DNAH10: variants seen among roughly 807,000 people sequenced by gnomAD.
DNAH10 encodes axonemal beta dynein heavy chain 10.
In DNAH10, 348 loss-of-function variants were observed where a neutral mutation model predicts 506.6. The observed-to-expected ratio is 0.69, with a 90% CI of 0.63 to 0.75. DNAH10 has a LOEUF of 0.75. DNAH10 is among the 30% of genes least tolerant of loss of function. The probability of loss-of-function intolerance (pLI) is 0.00; values close to 1 mark genes in which losing one functional copy is unlikely to be tolerated. For missense variants in DNAH10, 5,179 were observed against 5,787.1 expected, an observed-to-expected ratio of 0.89 and a Z score of 3.41; for synonymous variants, 2,059 against 2,198.6, an observed-to-expected ratio of 0.94 and a Z score of 1.78.
chr12:123,888,034 G>A (rs954525125), intron 52 of DNAH10, among the ~76,000 whole-genome samples: 5 of 152,288 alleles, frequency 3.3e-5, no homozygotes, highest in Admixed American at 2.6e-4. Flanking sequence ...GTGAGCCACC[G>A]TGCCTGGCAC....
intron 12 of DNAH10, 71 bp from the exon 13 acceptor site, chr12:123,796,585 T>C: frequency 7.0e-7 from 1 of 1,427,874 alleles, no homozygotes; most frequent in Non-Finnish European, 9.5e-7. Context: ...TCCTTAAAGA[T>C]TCAAATCTCA....
intron 21 of DNAH10, among the ~76,000 whole-genome samples, chr12:123,817,365 T>A: frequency 6.6e-6 from 1 of 152,072 alleles, no homozygotes; most frequent in Non-Finnish European, 1.5e-5. Flanking sequence ...ACCCTGTACA[T>A]CTTACATTCC....
rs768297254 is a variant in DNAH10, at chr12:123,799,216, A to G, written c.2164-30A>G. ...GATGAAAAATGTTATTTTCAAGGAC[A>G]AAATGACGGTTGCTTGAATTCTTTG... On this transcript the variant is annotated intron_variant, in intron 13 of 78. Transcript: ENST00000673944. The G allele has an allele frequency of 5.7e-6, 9 of 1,588,542 alleles. No homozygotes were observed. The South Asian group carries it at 1.0e-4, about 18-fold the overall frequency.
intron 65 of DNAH10, among the ~76,000 whole-genome samples, chr12:123,921,690 A>ATTT (rs1566107321): frequency 7.1e-4 from 70 of 98,262 alleles, no homozygotes; most frequent in Middle Eastern, 7.7e-3. Context: ...TGTAGCTTGC[A>ATTT]GTTTTTTTTT....
intron 52 of DNAH10, 120 bp downstream of exon 52, chr12:123,887,433 T>C: frequency 8.2e-7 from 1 of 1,213,622 alleles, no homozygotes; most frequent in South Asian, 1.7e-5. Context: ...GTGTACCTGT[T>C]CCTCCCTCAC....
chr12:123,785,571 C>T lies in DNAH10; in HGVS notation c.1231-175C>T, dbSNP rs1023995394. The stretch of plus-strand genomic sequence containing the variant: ...GGATCACTTGAGTCCGCAGGGGAGT[C>T]GAGGCTGCAGTAAGCCATGTTTGTG... On this transcript the variant is annotated intron_variant, in intron 8 of 78. Coordinates refer to ENST00000673944, the MANE Select transcript of DNAH10 (RefSeq NM_001372106.1). This position sits in a 1 kb window ranked among gnomAD's most constrained non-coding sequence, Gnocchi z 4.1. Among the ~76,000 whole-genome samples, 4 of 147,868 alleles carry T rather than the reference C, an allele frequency of 2.7e-5. No homozygotes were observed. The highest frequency in any genetic ancestry group is 7.6e-5 in the African/African-American group (3 of 39,628).
intron 25 of DNAH10, among the ~76,000 whole-genome samples, chr12:123,829,967 C>T (rs1960368085): frequency 6.6e-6 from 1 of 152,190 alleles, no homozygotes; most frequent in African/African-American, 2.4e-5. Flanking sequence ...TCTGAATGGG[C>T]CCCTTCATAC....
Position 123,785,674 on chromosome 12 carries a change from C to G in DNAH10, c.1231-72C>G. On this transcript the variant is annotated intron_variant, in intron 8 of 78. Transcript: ENST00000673944. This position sits in a 1 kb window ranked among gnomAD's most constrained non-coding sequence, Gnocchi z 4.1. ...AAAAAAGAGTGAAACTTCTTGCATG[C>G]TTACTGTTTTATGAAACTATTTGGA... The G allele has an allele frequency of 1.6e-5, 18 of 1,112,866 alleles. No individual in the cohort carries two copies. The highest frequency in any genetic ancestry group is 2.2e-5 in the Non-Finnish European group (18 of 812,112). 68.9% of individuals were successfully genotyped at this position (1,112,866 alleles called of 1,614,324 possible). A position where few individuals can be genotyped will look rare whatever the true frequency, so the allele number is the denominator to read the frequency against.
intron 37 of DNAH10, among the ~76,000 whole-genome samples, chr12:123,858,664 A>T (rs1951495599): frequency 6.6e-6 from 1 of 152,176 alleles, no homozygotes; most frequent in Non-Finnish European, 1.5e-5. Context: ...AATAGCCAAA[A>T]AGTGGGAACA....
intron 56 of DNAH10, among the ~76,000 whole-genome samples, chr12:123,901,284 C>A (rs1251790225): frequency 1.3e-5 from 2 of 152,220 alleles, no homozygotes; most frequent in Non-Finnish European, 2.9e-5. Flanking sequence ...GGCACCACCC[C>A]CCACCCCCGC....
intron 37 of DNAH10, among the ~76,000 whole-genome samples, chr12:123,857,906 C>T (rs1238358459): frequency 6.6e-6 from 1 of 152,154 alleles, no homozygotes; most frequent in Non-Finnish European, 1.5e-5. Flanking sequence ...GCTCGACTTC[C>T]TGTCTCTACA....
chr12:123,834,676 C>T (rs938722651), intron 27 of DNAH10, among the ~76,000 whole-genome samples: 2 of 152,226 alleles, frequency 1.3e-5, no homozygotes, highest in African/African-American at 4.8e-5. Context: ...CAGTCATTCC[C>T]TACCATCTCC....
Position 123,781,158 on chromosome 12 carries a change from T to C in DNAH10, c.700T>C (p.Ser234Pro), listed in dbSNP as rs774030871. 1 of 1,614,046 alleles carries C rather than the reference T, an allele frequency of 6.2e-7. No homozygotes were observed. The highest frequency in any genetic ancestry group is 8.5e-7 in the Non-Finnish European group (1 of 1,179,996). ...AGTCACATCTGGAGAAGTCTCTAAT[T>C]CCTCTGAGCATGAATCAGACCTGCC... is the stretch of plus-strand genomic sequence containing the variant. ...VGVTSGEVSN[S>P]SEHESDLPPM... is the part of the protein sequence containing the mutation. The change falls in exon 6 of 79, where the codon TCC becomes CCC. Residue 234 changes from serine to proline, a missense_variant. Physicochemically the swap from Ser to Pro is moderately conservative, Grantham distance 74. Transcript: ENST00000673944.
At position 123,846,324 on chromosome 12, in the gene DNAH10, T is replaced by C. The variant is rs1001959103; in HGVS notation, c.5814+170T>C. ...TGACCAGATTGTCACCATTTGGGATTGGCATGTAAGTGTGGCCGTGCTTAG... is the reference window on the plus strand; with the variant it reads ...TGACCAGATTGTCACCATTTGGGATCGGCATGTAAGTGTGGCCGTGCTTAG... On this transcript the variant is annotated intron_variant, in intron 32 of 78. Transcript: ENST00000673944. This position sits in a 1 kb window ranked among gnomAD's most constrained non-coding sequence, Gnocchi z 4.5. 1.3e-5 allele frequency among the ~76,000 whole-genome samples: 2 copies of C among 152,328 alleles called. No homozygotes were observed. Among genetic ancestry groups the C allele is most frequent in the South Asian group, 2.1e-4 (1 of 4,824 alleles).
Position 123,866,064 on chromosome 12 carries a change from AC to A in DNAH10, c.7160del (p.Pro2387GlnfsTer9), listed in dbSNP as rs751640757. 88 of 1,606,176 alleles carry A rather than the reference AC, an allele frequency of 5.5e-5. No homozygotes were observed. The highest frequency in any genetic ancestry group is 7.4e-5 in the Non-Finnish European group (87 of 1,177,362). ...PYWKKWVNQI[P>X]NKVEQYNLNS... ...ACTGGAAAAAATGGGTTAATCAAAT[AC>A]CAAACAAGGTGAAATTTTTTTCTAA... On this transcript the variant is annotated frameshift_variant, in exon 41 of 79. Transcript: ENST00000673944. LOFTEE classifies it high-confidence loss of function.
chr12:123,913,068 C>T lies in DNAH10; in HGVS notation c.10135-30C>T. Reference sequence around the variant, plus strand: ...TCGCGGCCCCACCACGGTCCTTTTCCCCATCTTTTTGCAAATTGTCTTCAC... The same window carrying T: ...TCGCGGCCCCACCACGGTCCTTTTCTCCATCTTTTTGCAAATTGTCTTCAC... On this transcript the variant is annotated intron_variant, in intron 59 of 78. Transcript: ENST00000673944. This position sits in a 1 kb window ranked among gnomAD's most constrained non-coding sequence, Gnocchi z 5.1. 1 of 1,582,052 alleles carries T rather than the reference C, an allele frequency of 6.3e-7. No homozygotes were observed. The highest frequency in any genetic ancestry group is 1.2e-5 in the South Asian group (1 of 86,524).
intron 24 of DNAH10, among the ~76,000 whole-genome samples, chr12:123,821,048 G>A (rs771191170): frequency 1.5e-4 from 23 of 152,104 alleles, no homozygotes; most frequent in South Asian, 4.1e-4. Context: ...TCAGGAGTTC[G>A]AGGTCAGTCT....
chr12:123,899,172 G>A (rs1266113714), intron 56 of DNAH10, among the ~76,000 whole-genome samples: 3 of 152,098 alleles, frequency 2.0e-5, no homozygotes, highest in Non-Finnish European at 4.4e-5. Context: ...CACCATCGAC[G>A]CGGGACTTTC....
chr12:123,910,473 T>C (rs1954013988), intron 58 of DNAH10, 63 bp from the exon 59 acceptor site: 1 of 1,574,976 alleles, frequency 6.3e-7, no homozygotes, highest in African/African-American at 1.4e-5. Flanking sequence ...GCTTATTTTG[T>C]CTATTTTATG....
Sources: gnomAD v4.1 joint callset for allele counts (sites outside exome capture counted in the v4.1 genomes callset) on GRCh38, gnomAD v4.1.1 for gene constraint, Gnocchi (gnomAD v3.1) non-coding constraint, MANE v1.5 for transcripts, NCBI Gene and HGNC (gene_info 2026-07-23, HGNC 2026-07-21) for gene names.